LMLN: variants seen among roughly 807,000 people sequenced by gnomAD.
The protein encoded by LMLN is leishmanolysin like peptidase, also known as leishmanolysin-like peptidase.
A neutral mutation model predicts 92.3 loss-of-function variants in LMLN; 70 were observed. That is an observed-to-expected ratio of 0.76 (90% CI 0.63 to 0.92). The LOEUF is 0.92. Among genes scored for constraint, LMLN ranks in the 40% least tolerant of loss-of-function variants. The pLI, the probability that LMLN is intolerant of heterozygous loss-of-function variation, is 0.00. For missense variants in LMLN, 691 were observed against 814.6 expected, an observed-to-expected ratio of 0.85 and a Z score of 1.85; for synonymous variants, 308 against 296.2, an observed-to-expected ratio of 1.04 and a Z score of -0.41.
intron 14 of LMLN, among the ~76,000 whole-genome samples, chr3:198,030,409 T>C (rs1471980580): frequency 6.6e-6 from 1 of 152,214 alleles, no homozygotes; most frequent in Non-Finnish European, 1.5e-5. Context: ...TTCTCCCCAG[T>C]ATTTCGTTTT....
At chr3:198,012,542 TTCA>T (rs1244452385) in intron 11 of LMLN, among the ~76,000 whole-genome samples, 2 of 152,038 alleles carry the variant, frequency 1.3e-5, no homozygotes, top group African/African-American at 4.8e-5. Context: ...CTCTCCACCC[TTCA>T]GAGCCCCCTA....
chr3:197,963,678 A>G (rs1408302707), intron 1 of LMLN, among the ~76,000 whole-genome samples: 3 of 152,184 alleles, frequency 2.0e-5, no homozygotes, highest in Non-Finnish European at 2.9e-5. Context: ...TATTTATTCT[A>G]CTAGGGTTTC....
chr3:198,010,947 C>A (rs6605313), intron 11 of LMLN, among the ~76,000 whole-genome samples: 31,388 of 151,808 alleles, frequency 0.21, 5,232 homozygotes, highest in African/African-American at 0.46. Context: ...TCTTCTTTGA[C>A]CCATCGATTA....
intron 11 of LMLN, among the ~76,000 whole-genome samples, chr3:198,016,907 A>T (rs934985211): frequency 6.6e-6 from 1 of 152,106 alleles, no homozygotes; most frequent in African/African-American, 2.4e-5. Context: ...CTCTACTTTT[A>T]TACAGCAAGA....
At chr3:197,979,973 A>G (rs917082282) in intron 5 of LMLN, among the ~76,000 whole-genome samples, 3 of 151,962 alleles carry the variant, frequency 2.0e-5, no homozygotes, top group Non-Finnish European at 2.9e-5. Flanking sequence ...AAGAAAGTTG[A>G]AAAAAAAGCT....
chr3:198,022,346 T>G (rs1276058629), intron 13 of LMLN, among the ~76,000 whole-genome samples: 1 of 152,246 alleles, frequency 6.6e-6, no homozygotes, highest in African/African-American at 2.4e-5. Flanking sequence ...TAAACAGAAA[T>G]GTTCTCACAT....
intron 7 of LMLN, among the ~76,000 whole-genome samples, 183 bp downstream of exon 7, chr3:197,984,231 G>A (rs1721636320): frequency 1.3e-5 from 2 of 151,882 alleles, no homozygotes; most frequent in East Asian, 3.9e-4. Flanking sequence ...GCGGGGCATG[G>A]TGGTGTGCAC....
chr3:198,038,549 T>A lies in LMLN; in HGVS notation c.1868-18T>A, dbSNP rs1723299728. The A allele has an allele frequency of 3.8e-6, 6 of 1,583,282 alleles. No homozygotes were observed. The highest frequency in any genetic ancestry group is 4.3e-6 in the Non-Finnish European group (5 of 1,151,928). On this transcript the variant is annotated intron_variant, in intron 15 of 15. Transcript: ENST00000330198. The stretch of plus-strand genomic sequence containing the variant: ...CAAAATTGTTTATAGAAAGTCAGTT[T>A]TTTGTTTTCAACTCTAGATCTTTGT...
rs1196962962 is a variant in LMLN at position 197,996,035 on chromosome 3, A to G, written c.1048-140A>G. ...AAAATATTTAGTTATATTAAAAACC[A>G]TATTTTAAAAAGAAATTCTCCTTTC... On this transcript the variant is annotated intron_variant, in intron 9 of 15. Coordinates refer to ENST00000330198, the Ensembl canonical transcript of LMLN. The G allele has an allele frequency of 2.1e-5, 9 of 438,672 alleles. No individual in the cohort carries two copies. The South Asian group carries it at 3.5e-4, about 17-fold the overall frequency. The allele number at this position is 438,672 out of a possible 1,614,324, so 27.2% of individuals were successfully genotyped here.
intron 1 of LMLN, among the ~76,000 whole-genome samples, chr3:197,965,021 A>AG (rs1467959647): frequency 6.6e-6 from 1 of 151,206 alleles, no homozygotes; most frequent in South Asian, 2.1e-4. Context: ...AAAAAAAAAA[A>AG]AAAGAAAGAA....
intron 10 of LMLN, among the ~76,000 whole-genome samples, chr3:197,997,842 A>G (rs976371001): frequency 3.9e-5 from 6 of 152,198 alleles, no homozygotes; most frequent in Non-Finnish European, 4.4e-5. Flanking sequence ...ATATGAATGT[A>G]GCATAACAGT....
At chr3:197,980,339 A>G (rs1456544685) in exon 6 of LMLN, 1 of 1,613,650 alleles carries the variant, frequency 6.2e-7, no homozygotes, top group Non-Finnish European at 8.5e-7. Context: ...TGCCGGGTCT[A>G]CCGTGGGGGT....
At chr3:197,976,849 G>A (rs1380167865) in intron 5 of LMLN, 134 bp downstream of exon 5, 3 of 457,798 alleles carry the variant, frequency 6.6e-6, no homozygotes, top group Admixed American at 3.5e-5. Context: ...CCACAGATAT[G>A]CTGATTTTAT....
At chr3:198,001,169 T>C (rs1343450889) in intron 11 of LMLN, among the ~76,000 whole-genome samples, 1 of 152,192 alleles carries the variant, frequency 6.6e-6, no homozygotes, top group East Asian at 1.9e-4. Context: ...TACTTCTCCT[T>C]TGGAATATTC....
At chr3:197,965,979 T>G (rs1560131642) in intron 1 of LMLN, among the ~76,000 whole-genome samples, 1 of 152,212 alleles carries the variant, frequency 6.6e-6, no homozygotes, top group Admixed American at 6.5e-5. Context: ...GTTGCCTACA[T>G]TTACCTGTGT....
intron 1 of LMLN, among the ~76,000 whole-genome samples, chr3:197,971,944 C>CTTTTTT (rs756710031): frequency 5.7e-4 from 46 of 81,166 alleles, no homozygotes; most frequent in African/African-American, 1.2e-3. Context: ...AGTCTCTGTT[C>CTTTTTT]TTTTTTTTTT....
At chr3:197,977,339 TA>T (rs1317875320) in intron 5 of LMLN, among the ~76,000 whole-genome samples, 1 of 151,908 alleles carries the variant, frequency 6.6e-6, no homozygotes, top group Non-Finnish European at 1.5e-5. Flanking sequence ...ACACAGACAA[TA>T]AAAAAATGAT....
intron 5 of LMLN, among the ~76,000 whole-genome samples, chr3:197,980,032 A>G (rs1168338187): frequency 6.6e-6 from 1 of 152,102 alleles, no homozygotes; most frequent in Non-Finnish European, 1.5e-5. Context: ...AAAACCTTTT[A>G]TATTTCTGTC....
chr3:197,985,891 G>T lies in LMLN; in HGVS notation c.929+1G>T, dbSNP rs1180669900. 1 of 1,581,672 alleles carries T rather than the reference G, an allele frequency of 6.3e-7. No homozygotes were observed. Among genetic ancestry groups the T allele is most frequent in the Non-Finnish European group, 8.7e-7 (1 of 1,151,244 alleles). ...ATGGCCTCCCACCTTTTAATTATAG[G>T]TATTTTTGTTGTTGTTGCTCTTGTT... On this transcript the variant is annotated splice_donor_variant, in intron 8 of 15. Coordinates refer to ENST00000330198, the Ensembl canonical transcript of LMLN. LOFTEE classifies it high-confidence loss of function.
Sources: gnomAD v4.1 joint callset for allele counts (sites outside exome capture counted in the v4.1 genomes callset) on GRCh38, gnomAD v4.1.1 for gene constraint, MANE v1.5 for transcripts, NCBI Gene and HGNC (gene_info 2026-07-23, HGNC 2026-07-21) for gene names.